The following HIVEP1 variants were observed in gnomAD, a reference collection of about 807,000 sequenced individuals.
HIVEP1 encodes zinc finger protein 40.
A neutral mutation model predicts 180.0 loss-of-function variants in HIVEP1; 36 were observed. The ratio of observed to expected loss-of-function variants is 0.20; its 90% CI spans 0.15 to 0.26. HIVEP1 has a LOEUF of 0.26. Ranked by LOEUF, HIVEP1 falls within the 10% of genes least tolerant of loss-of-function variation. The pLI is 1.00. For synonymous variants in HIVEP1, 1,239 were observed against 1,239.0 expected, an observed-to-expected ratio of 1.00 and a Z score of 0.00; for missense variants, 3,143 against 3,268.7, an observed-to-expected ratio of 0.96 and a Z score of 0.94.
rs549863000 is a variant in HIVEP1 at position 12,065,325 on chromosome 6, G to T, written c.41-23859G>T. On this transcript the variant is annotated intron_variant, in intron 2 of 8. Coordinates refer to ENST00000379388, the MANE Select transcript of HIVEP1 (RefSeq NM_002114.4). Reference sequence around the variant, plus strand: ...GTGATGCAGACATGAAACAAGCAAGGTCACACACATACATTTAACACAAGA... The same window carrying T: ...GTGATGCAGACATGAAACAAGCAAGTTCACACACATACATTTAACACAAGA... Among the ~76,000 whole-genome samples the T allele has an allele frequency of 2.0e-5, 3 of 152,318 alleles. No individual in the cohort carries two copies. In the South Asian group the frequency reaches 6.2e-4, roughly 32 times the overall value.
intron 2 of HIVEP1, among the ~76,000 whole-genome samples, chr6:12,031,435 C>G (rs892110845): frequency 4.6e-5 from 7 of 152,210 alleles, no homozygotes; most frequent in African/African-American, 1.7e-4. Context: ...CCTGGCTAGT[C>G]TTCTAGTCTC....
intron 6 of HIVEP1, among the ~76,000 whole-genome samples, chr6:12,132,425 A>T (rs1476303899): frequency 6.6e-6 from 1 of 152,162 alleles, no homozygotes; most frequent in South Asian, 2.1e-4. Context: ...ATTTCTCAAT[A>T]GAAAGAAGAA....
At chr6:12,061,068 C>T (rs1395257097) in intron 2 of HIVEP1, among the ~76,000 whole-genome samples, 4 of 151,920 alleles carry the variant, frequency 2.6e-5, no homozygotes, top group South Asian at 2.1e-4. Context: ...TCAGGTGTGC[C>T]GCGGCGGCAC....
At chr6:12,024,822 TG>T (rs1768470779) in intron 2 of HIVEP1, among the ~76,000 whole-genome samples, 1 of 152,234 alleles carries the variant, frequency 6.6e-6, no homozygotes, top group African/African-American at 2.4e-5. Context: ...CTTGTGTTGC[TG>T]GGTTCTTGTG....
At chr6:12,041,622 T>G (rs1295593842) in intron 2 of HIVEP1, among the ~76,000 whole-genome samples, 1 of 152,002 alleles carries the variant, frequency 6.6e-6, no homozygotes, top group Non-Finnish European at 1.5e-5. Context: ...TAGTAAGAAT[T>G]TACCTAATTT....
At chr6:12,192,561 G>A in the HIVEP1 span, among the ~76,000 whole-genome samples, 13 of 152,100 alleles carry the variant, frequency 8.5e-5, no homozygotes, top group African/African-American at 9.7e-5. Flanking sequence ...TGCTGTTGTC[G>A]TGATAGGGAG....
intron 3 of HIVEP1, among the ~76,000 whole-genome samples, chr6:12,097,551 C>G (rs9394538): frequency 0.27 from 40,336 of 151,904 alleles, 6,264 homozygotes; most frequent in Non-Finnish European, 0.35. Flanking sequence ...ATTAAAATTT[C>G]AAATTTAAAT....
upstream of HIVEP1, among the ~76,000 whole-genome samples, chr6:12,010,498 G>A (rs913438962): frequency 5.9e-5 from 9 of 152,146 alleles, no homozygotes; most frequent in Admixed American, 2.0e-4. Context: ...GGAAGCCCAA[G>A]GGAACAAAAC....
At chr6:12,008,275 C>A (rs1292586999), upstream of HIVEP1, 1 of 152,120 alleles carries the variant, frequency 6.6e-6, no homozygotes, top group Admixed American at 6.5e-5. Context: ...CTTGTCTTTT[C>A]AAGGCTGCAG....
downstream of HIVEP1, among the ~76,000 whole-genome samples, chr6:12,165,559 T>G (rs186811991): frequency 3.3e-5 from 5 of 152,348 alleles, no homozygotes; most frequent in African/African-American, 1.2e-4. Flanking sequence ...TTTCCTGTCC[T>G]GGAAGGTTGA....
At chr6:12,012,135 C>G (rs974308751), upstream of HIVEP1, 2 of 146,170 alleles carry the variant, frequency 1.4e-5, no homozygotes, top group African/African-American at 4.9e-5. Flanking sequence ...GCGCGCGCCC[C>G]CCAGCCCGGC....
the HIVEP1 span, among the ~76,000 whole-genome samples, chr6:12,190,318 G>A: frequency 6.6e-6 from 1 of 152,132 alleles, no homozygotes; most frequent in South Asian, 2.1e-4. Context: ...CATTTCAGTG[G>A]CTTTCCGTTG....
chr6:12,137,928 T>C (rs1336339130), intron 7 of HIVEP1, among the ~76,000 whole-genome samples: 1 of 152,204 alleles, frequency 6.6e-6, no homozygotes, highest in Non-Finnish European at 1.5e-5. Context: ...CAGAGTTGAT[T>C]ATAAATATTT....
In HIVEP1 at chr6:12,124,289, C is replaced by T. The variant is rs747780810; in HGVS notation, c.4494C>T (p.Ser1498=). 3.7e-6 allele frequency: 6 copies of T among 1,614,058 alleles called. No homozygotes were observed. In the South Asian group the frequency reaches 6.6e-5, roughly 18 times the overall value. ...VKDLQAETSN[S]SSTNVFPVQQ... Reference sequence around the variant, plus strand: ...ATCTGCAGGCAGAAACATCAAACTCCAGCTCTACCAACGTTTTTCCTGTTC... The same window carrying T: ...ATCTGCAGGCAGAAACATCAAACTCTAGCTCTACCAACGTTTTTCCTGTTC... Residue 1498 remains serine (S), a synonymous_variant, in exon 4 of 9, where the codon TCC becomes TCT. Transcript: ENST00000379388.
intron 2 of HIVEP1, among the ~76,000 whole-genome samples, chr6:12,085,918 G>T (rs937123355): frequency 2.0e-5 from 3 of 152,074 alleles, no homozygotes; most frequent in Admixed American, 2.0e-4. Context: ...CTTTTGTTCA[G>T]TGGTTTCAGA....
chr6:12,074,743 T>A (rs1772239438), intron 2 of HIVEP1, among the ~76,000 whole-genome samples: 1 of 147,380 alleles, frequency 6.8e-6, no homozygotes, highest in South Asian at 2.1e-4. Context: ...TTATTCTTTT[T>A]AAAAAATTAT....
At chr6:12,211,838 G>T in the HIVEP1 span, among the ~76,000 whole-genome samples, 1 of 152,148 alleles carries the variant, frequency 6.6e-6, no homozygotes, top group Non-Finnish European at 1.5e-5. Context: ...ACTGATGTGA[G>T]GAGACTCATT....
upstream of HIVEP1, chr6:12,012,215 C>T (rs1202814323): frequency 6.9e-6 from 1 of 145,086 alleles, no homozygotes; most frequent in Non-Finnish European, 1.5e-5. Flanking sequence ...GCCTCCTCCG[C>T]CCGGCGGCTG....
chr6:12,190,151 A>C, the HIVEP1 span, among the ~76,000 whole-genome samples: 1 of 152,248 alleles, frequency 6.6e-6, no homozygotes, highest in Non-Finnish European at 1.5e-5. Flanking sequence ...TTCTGGATAC[A>C]GGACTTGGGA....
Sources: allele counts gnomAD v4.1 joint callset (sites outside exome capture counted in the v4.1 genomes callset), GRCh38; gene constraint gnomAD v4.1.1; transcripts MANE v1.5; gene names NCBI Gene and HGNC (gene_info 2026-07-23, HGNC 2026-07-21).